Variants in GRIN2B observed in about 807,000 individuals in gnomAD.
GRIN2B encodes the protein glutamate ionotropic receptor NMDA type subunit 2B, also known as glutamate receptor ionotropic, NMDA 2B.
In GRIN2B, 5 loss-of-function variants were observed where a neutral mutation model predicts 114.5. The observed-to-expected ratio is 0.04, with a 90% CI of 0.02 to 0.09. The LOEUF (loss-of-function observed/expected upper bound fraction) is 0.09, where lower values mean the gene tolerates loss of function less well. Among genes scored for constraint, GRIN2B ranks in the 10% least tolerant of loss-of-function variants. The pLI, the probability that GRIN2B is intolerant of heterozygous loss-of-function variation, is 1.00. For missense variants in GRIN2B, 1,108 were observed against 1,943.5 expected, an observed-to-expected ratio of 0.57 and a Z score of 8.08; for synonymous variants, 787 against 745.1, an observed-to-expected ratio of 1.06 and a Z score of -0.92.
At chr12:13,695,285 G>A (rs11055589) in intron 4 of GRIN2B, among the ~76,000 whole-genome samples, 21,434 of 152,118 alleles carry the variant, frequency 0.14, 1,793 homozygotes, top group East Asian at 0.34. Flanking sequence ...CCAAACACTG[G>A]CCTGCCACTG....
At chr12:13,858,667 CT>C (rs142849157) in intron 3 of GRIN2B, among the ~76,000 whole-genome samples, 9,010 of 152,060 alleles carry the variant, frequency 0.059, 383 homozygotes, top group African/African-American at 0.12. Context: ...TAATAATTCA[CT>C]TTTTTTTAAC....
chr12:13,654,965 C>A (rs1446947240), intron 5 of GRIN2B, among the ~76,000 whole-genome samples: 1 of 151,908 alleles, frequency 6.6e-6, no homozygotes, highest in Admixed American at 6.6e-5. Context: ...AGGACAGGAA[C>A]CCAGGAGAAC....
At chr12:13,903,687 T>C (rs1326926797) in intron 2 of GRIN2B, among the ~76,000 whole-genome samples, 1 of 152,094 alleles carries the variant, frequency 6.6e-6, no homozygotes, top group Non-Finnish European at 1.5e-5. Flanking sequence ...AAGTAATATT[T>C]GGTAGCTTTT....
chr12:13,978,255 T>C (rs1449530670), intron 2 of GRIN2B, among the ~76,000 whole-genome samples: 1 of 152,176 alleles, frequency 6.6e-6, no homozygotes, highest in African/African-American at 2.4e-5. Flanking sequence ...ATCCTCCTAC[T>C]TGGAGTGGAA....
At chr12:13,726,722 TA>T (rs1358607778) in intron 4 of GRIN2B, among the ~76,000 whole-genome samples, 1 of 151,888 alleles carries the variant, frequency 6.6e-6, no homozygotes, top group African/African-American at 2.4e-5. Context: ...GTTACATAAA[TA>T]AGTTATTTAG....
intron 4 of GRIN2B, among the ~76,000 whole-genome samples, chr12:13,682,600 A>T (rs4764027): frequency 1.3e-5 from 2 of 151,912 alleles, no homozygotes; most frequent in Admixed American, 6.6e-5. Flanking sequence ...AGTGGTGTTA[A>T]GTTAATGAGA....
chr12:13,649,965 ATTCAC>A (rs1267276421), intron 5 of GRIN2B, among the ~76,000 whole-genome samples: 12 of 152,084 alleles, frequency 7.9e-5, no homozygotes, highest in African/African-American at 2.9e-4. Flanking sequence ...AGAACCAGCA[ATTCAC>A]TTCAACAGAA....
At chr12:13,952,364 G>A (rs75142513) in intron 2 of GRIN2B, among the ~76,000 whole-genome samples, 6 of 152,090 alleles carry the variant, frequency 3.9e-5, no homozygotes, top group African/African-American at 1.2e-4. Context: ...TACAGTGTCC[G>A]CAGGAATCCA....
intron 2 of GRIN2B, among the ~76,000 whole-genome samples, chr12:13,964,485 G>A (rs1231675696): frequency 6.6e-6 from 1 of 152,222 alleles, no homozygotes; most frequent in Non-Finnish European, 1.5e-5. Flanking sequence ...AGGAAAAGCT[G>A]TTCTCCAAAG....
chr12:13,739,129 C>T (rs1863233216), intron 4 of GRIN2B, among the ~76,000 whole-genome samples: 2 of 152,024 alleles, frequency 1.3e-5, no homozygotes, highest in Admixed American at 6.6e-5. Context: ...GCCTGTAATC[C>T]CAGCACTTTG....
chr12:13,672,735 A>G lies in GRIN2B; in HGVS notation c.1125+3010T>C, dbSNP rs373764194. Among the ~76,000 whole-genome samples, 10 of 152,100 alleles carry G rather than the reference A, an allele frequency of 6.6e-5. No homozygotes were observed. In the South Asian group the frequency reaches 1.9e-3, roughly 28 times the overall value. ...GAAAATGTTCTATTCTATTATCTCA[A>G]CCCCTCCCAAATGCCCTACAAAAAG... On this transcript the variant is annotated intron_variant, in intron 5 of 13. Transcript: ENST00000609686.
chr12:13,607,064 G>A (rs536593144), intron 10 of GRIN2B, among the ~76,000 whole-genome samples: 55 of 144,778 alleles, frequency 3.8e-4, no homozygotes, highest in African/African-American at 9.2e-4. Flanking sequence ...ACACAGCAGC[G>A]GCCCTCTAGT....
chr12:13,680,431 C>T (rs1001814578), intron 4 of GRIN2B, among the ~76,000 whole-genome samples: 1 of 130,792 alleles, frequency 7.6e-6, no homozygotes, highest in Admixed American at 8.1e-5. Flanking sequence ...GAAGTCCCAT[C>T]AAGGTTGTGT....
chr12:13,572,802 T>C (rs543603525), intron 10 of GRIN2B, among the ~76,000 whole-genome samples: 3 of 152,326 alleles, frequency 2.0e-5, no homozygotes, highest in African/African-American at 7.2e-5. Context: ...CCAATTTATA[T>C]CCGTTTCAAA....
chr12:13,706,908 C>G (rs1409051433), intron 4 of GRIN2B, among the ~76,000 whole-genome samples: 1 of 152,004 alleles, frequency 6.6e-6, no homozygotes, highest in Non-Finnish European at 1.5e-5. Flanking sequence ...AGTCTCCTTC[C>G]TCCTCCTCTC....
At chr12:13,678,637 A>G (rs1950099065) in intron 4 of GRIN2B, among the ~76,000 whole-genome samples, 1 of 152,060 alleles carries the variant, frequency 6.6e-6, no homozygotes, top group South Asian at 2.1e-4. Flanking sequence ...TCAATGCTCA[A>G]TCTGCTCCAC....
chr12:13,894,432 CAT>C (rs1361239719), intron 2 of GRIN2B, among the ~76,000 whole-genome samples: 2 of 152,008 alleles, frequency 1.3e-5, no homozygotes, highest in Admixed American at 6.6e-5. Flanking sequence ...ATTTCAATAA[CAT>C]AGAAAAATCT....
chr12:13,948,747 T>A (rs924625135), intron 2 of GRIN2B, among the ~76,000 whole-genome samples: 1 of 152,184 alleles, frequency 6.6e-6, no homozygotes, highest in Non-Finnish European at 1.5e-5. Flanking sequence ...CTTGATTTAC[T>A]TTTGAGTAAA....
At chr12:13,869,264 G>T (rs10744041) in intron 2 of GRIN2B, among the ~76,000 whole-genome samples, 139,361 of 139,402 alleles carry the variant, frequency 1, 69,660 homozygotes, top group Middle Eastern at 1. Context: ...TTTTTGGTGG[G>T]GAGGATGCAA....
Sources: gnomAD v4.1 joint callset for allele counts (sites outside exome capture counted in the v4.1 genomes callset) on GRCh38, gnomAD v4.1.1 for gene constraint, MANE v1.5 for transcripts, NCBI Gene and HGNC (gene_info 2026-07-23, HGNC 2026-07-21) for gene names.